ATAD3C: variants seen among roughly 807,000 people sequenced by gnomAD.
The protein encoded by ATAD3C is ATPase family AAA domain-containing protein 3C.
ATAD3C carries 38 observed loss-of-function variants against 46.3 expected under a neutral mutation model. That is an observed-to-expected ratio of 0.82 (90% CI 0.63 to 1.08). The LOEUF (loss-of-function observed/expected upper bound fraction) is 1.08. Ranked by LOEUF, ATAD3C falls within the 50% of genes least tolerant of loss-of-function variation. ATAD3C has a pLI of 0.00. For synonymous variants in ATAD3C, 220 were observed against 236.4 expected (o/e 0.93, Z 0.63); for missense variants, 563 against 572.7 (o/e 0.98, Z 0.17).
Position 1,455,804 on chromosome 1 carries a change from C to T in ATAD3C, c.452C>T (p.Ala151Val). The T allele has an allele frequency of 3.1e-6, 5 of 1,613,422 alleles. No homozygotes were observed. The highest frequency in any genetic ancestry group is 1.3e-5 in the African/African-American group (1 of 75,022). Residue 151 changes from alanine to valine, a missense_variant, in exon 6 of 12, where the codon GCA (alanine) becomes GTA (valine). Ala to Val is a moderately conservative substitution (Grantham distance 64). Around this residue, in one of 3 missense-constraint regions of ATAD3C, gnomAD observed 263 missense variants for 243.1 expected, o/e 1.08. Coordinates refer to ENST00000378785, the MANE Select transcript of ATAD3C (RefSeq NM_001039211.3). Reference protein sequence around the residue: ...EGVVLSPSLEARVRDIAIMTR... With the variant: ...EGVVLSPSLEVRVRDIAIMTR... ...CTTCCTCGGCAGCCCAGCCTGGAAG[C>T]ACGGGTGCGCGACATCGCCATAATG...
chr1:1,465,808 T>TA (rs1009243178), intron 11 of ATAD3C, among the ~76,000 whole-genome samples: 3 of 151,856 alleles, frequency 2.0e-5, no homozygotes, highest in African/African-American at 7.3e-5. Flanking sequence ...TTTTCTTGTC[T>TA]AATGGCCCTG....
chr1:1,455,529 T>C lies in ATAD3C; in HGVS notation c.438+10T>C, dbSNP rs745899806. On this transcript the variant is annotated intron_variant, in intron 5 of 11. Coordinates refer to ENST00000378785, the MANE Select transcript of ATAD3C (RefSeq NM_001039211.3). ...GGGTGTTGTGCTTAGTGTAAGTCGG[T>C]GTGCCTGGGACCGGGGAGGCGCAGG... The C allele has an allele frequency of 2.2e-5, 35 of 1,612,254 alleles. No homozygotes were observed. The African/African-American group carries it at 3.9e-4, about 18-fold the overall frequency.
chr1:1,452,444 C>T lies in ATAD3C; in HGVS notation c.222+10C>T, dbSNP rs755836496. 1.9e-5 allele frequency: 30 copies of T among 1,613,660 alleles called. No individual in the cohort carries two copies. The highest frequency in any genetic ancestry group is 6.7e-5 in the Admixed American group (4 of 59,954). On this transcript the variant is annotated intron_variant, in intron 3 of 11. Transcript: ENST00000378785. ...CAAAGTGACAGCCACGGTAAACATA[C>T]TCATAAAACAGGGCTGGCAGGTGGC...
Position 1,462,428 on chromosome 1 carries a change from C to G in ATAD3C, c.981-172C>G. ...CCACAGCCGCCCCCTTCCTGCTCAG[C>G]CCAGGCCTGGCTTGCGTCAGGAAGG... On this transcript the variant is annotated intron_variant, in intron 10 of 11. Transcript: ENST00000378785. The surrounding 1 kb of genome is among the most constrained non-coding windows in gnomAD (Gnocchi z 4.5). 1.5e-6 allele frequency: 1 copy of G among 684,054 alleles called. No individual in the cohort carries two copies. Among genetic ancestry groups the G allele is most frequent in the Non-Finnish European group, 2.5e-6 (1 of 397,810 alleles). 42.4% of individuals were successfully genotyped at this position (684,054 alleles called of 1,614,324 possible).
At chr1:1,451,151 C>G (rs1638852706) in intron 1 of ATAD3C, among the ~76,000 whole-genome samples, 2 of 151,528 alleles carry the variant, frequency 1.3e-5, no homozygotes, top group Admixed American at 1.3e-4. Flanking sequence ...CACCATTCTC[C>G]TGCCTCAGCC....
At chr1:1,452,797 CAA>C (rs150422909) in intron 3 of ATAD3C, among the ~76,000 whole-genome samples, 40,042 of 126,216 alleles carry the variant, frequency 0.32, 7,468 homozygotes, top group East Asian at 0.54. Context: ...GGCTCCTTCT[CAA>C]AAAAAAAAAA....
rs1410023782 is a variant in ATAD3C, at chr1:1,469,980, C to T, written c.*1450C>T. The T allele has an allele frequency of 6.6e-6, 1 of 151,920 alleles. No individual in the cohort carries two copies. The highest frequency in any genetic ancestry group is 1.9e-4 in the East Asian group (1 of 5,204). The allele number at this position is 151,920 out of a possible 1,614,324, so 9.4% of individuals were successfully genotyped here. On this transcript the variant is annotated 3_prime_UTR_variant, in exon 12 of 12. Coordinates refer to ENST00000378785, the MANE Select transcript of ATAD3C (RefSeq NM_001039211.3). Reference sequence around the variant, plus strand: ...CCTTAAGAAGGTTCTTTGTCATTCTCCCCACCCTTGAGAATGTACTTTGTG... The same window carrying T: ...CCTTAAGAAGGTTCTTTGTCATTCTTCCCACCCTTGAGAATGTACTTTGTG...
intron 5 of ATAD3C, 132 bp downstream of exon 5, chr1:1,455,651 T>C: frequency 6.4e-7 from 1 of 1,561,132 alleles, no homozygotes; most frequent in Non-Finnish European, 8.7e-7. Context: ...GCTTGGACCG[T>C]GCCGGGGATA....
Position 1,455,853 on chromosome 1 carries a change from G to C in ATAD3C, c.501G>C (p.Arg167=), listed in dbSNP as rs774656765. 19 of 1,613,370 alleles carry C rather than the reference G, an allele frequency of 1.2e-5. 1 individual carries two copies. In the African/African-American group the frequency reaches 1.3e-4, roughly 11 times the overall value. ...TGACAAGGAACATCAAGAAGAACCGGGGCCTGTACAGGCACATCCTGCTGT... is the reference window on the plus strand; with the variant it reads ...TGACAAGGAACATCAAGAAGAACCGCGGCCTGTACAGGCACATCCTGCTGT... ...AIMTRNIKKN[R]GLYRHILLYG... Residue 167 remains arginine (R), a synonymous_variant, in exon 6 of 12, where the codon CGG becomes CGC. Transcript: ENST00000378785.
chr1:1,452,267 G>C, intron 2 of ATAD3C, 98 bp from the exon 3 acceptor site: 1 of 1,597,394 alleles, frequency 6.3e-7, no homozygotes, highest in Non-Finnish European at 8.6e-7. Flanking sequence ...GTCCTGGCAG[G>C]ACCAGGCTGC....
At chr1:1,451,876 C>T (rs931250896) in intron 1 of ATAD3C, among the ~76,000 whole-genome samples, 170 bp from the exon 2 acceptor site, 11 of 152,026 alleles carry the variant, frequency 7.2e-5, no homozygotes, top group Admixed American at 2.0e-4. Context: ...CAGTGACTGC[C>T]GTCCCGGCCG....
At chr1:1,460,220 G>A (rs1037865162) in intron 9 of ATAD3C, among the ~76,000 whole-genome samples, 2 of 151,874 alleles carry the variant, frequency 1.3e-5, no homozygotes, top group Non-Finnish European at 1.5e-5. Flanking sequence ...TGACAGGCGT[G>A]CGCCACCACA....
At position 1,452,444 on chromosome 1, in the gene ATAD3C, C is replaced by G. The variant is rs755836496; in HGVS notation, c.222+10C>G. ...CAAAGTGACAGCCACGGTAAACATACTCATAAAACAGGGCTGGCAGGTGGC... is the reference window on the plus strand; with the variant it reads ...CAAAGTGACAGCCACGGTAAACATAGTCATAAAACAGGGCTGGCAGGTGGC... On this transcript the variant is annotated intron_variant, in intron 3 of 11. Transcript: ENST00000378785. The G allele has an allele frequency of 4.3e-6, 7 of 1,613,660 alleles. 1 individual carries two copies. In the South Asian group the frequency reaches 7.7e-5, roughly 18 times the overall value.
chr1:1,468,449 C>T lies in ATAD3C; in HGVS notation c.1155C>T (p.Asp385=), dbSNP rs988656586. ...TEAMMDACVQ[D]FVQQHQQMMR... The stretch of plus-strand genomic sequence containing the variant: ...CCATGATGGACGCCTGCGTGCAAGA[C>T]TTTGTCCAGCAGCACCAGCAGATGA... The change falls in exon 12 of 12, where the codon GAC becomes GAT. Residue 385 remains aspartate, a synonymous_variant. Coordinates refer to ENST00000378785, the MANE Select transcript of ATAD3C (RefSeq NM_001039211.3). The T allele has an allele frequency of 6.2e-7, 1 of 1,613,016 alleles. No individual in the cohort carries two copies. The highest frequency in any genetic ancestry group is 1.1e-5 in the South Asian group (1 of 90,918).
rs762541602 is a variant in ATAD3C, at chr1:1,457,163, C to CTTCGGAAGCGAGCCACTGTT, written c.741+2_741+3insTTTCGGAAGCGAGCCACTGT. The CTTCGGAAGCGAGCCACTGTT allele has an allele frequency of 3.7e-6, 6 of 1,613,458 alleles. No individual in the cohort carries two copies. Among genetic ancestry groups the CTTCGGAAGCGAGCCACTGTT allele is most frequent in the Non-Finnish European group, 2.5e-6 (3 of 1,179,672 alleles). ...CTTTGTGGATGAAGCGGACGCCTTC[C>CTTCGGAAGCGAGCCACTGTT]TTCGGAAGCGAGCCACTGTGAGTGT... On this transcript the variant is annotated frameshift_variant, in exon 8 of 12. Transcript: ENST00000378785. LOFTEE classifies it high-confidence loss of function.
At chr1:1,460,722 C>T (rs1208692722) in intron 9 of ATAD3C, 28 bp from the exon 10 acceptor site, 6 of 1,578,164 alleles carry the variant, frequency 3.8e-6, no homozygotes, top group African/African-American at 1.4e-5. Flanking sequence ...GCAGCCCCAG[C>T]GTTTCCTTCC....
chr1:1,460,406 C>G (rs1639035383), intron 9 of ATAD3C, among the ~76,000 whole-genome samples: 2 of 152,024 alleles, frequency 1.3e-5, no homozygotes, highest in Admixed American at 1.3e-4. Context: ...TTGACATGGA[C>G]TCTGGGTCCC....
intron 10 of ATAD3C, among the ~76,000 whole-genome samples, chr1:1,461,300 G>A (rs752676800): frequency 3.3e-5 from 5 of 151,954 alleles, no homozygotes; most frequent in Non-Finnish European, 5.9e-5. Context: ...CGATTCTCCT[G>A]CATCAGCCTC....
rs1349500969 is a variant in ATAD3C at position 1,455,781 on chromosome 1, TC to T, written c.439-8del. ...GACTGTGTCCTCCAAGCCCCTGTCT[TC>T]CTCGGCAGCCCAGCCTGGAAGCACG... On this transcript the variant is annotated splice_polypyrimidine_tract_variant and intron_variant, in intron 5 of 11. Coordinates refer to ENST00000378785, the MANE Select transcript of ATAD3C (RefSeq NM_001039211.3). 36 of 1,612,994 alleles carry T rather than the reference TC, an allele frequency of 2.2e-5. No homozygotes were observed. The highest frequency in any genetic ancestry group is 3.1e-5 in the Non-Finnish European group (36 of 1,179,622).
Sources: gnomAD v4.1 joint callset for allele counts (sites outside exome capture counted in the v4.1 genomes callset) on GRCh38, gnomAD v4.1.1 for gene constraint, gnomAD v4.1.1 regional missense constraint, Gnocchi (gnomAD v3.1) non-coding constraint, MANE v1.5 for transcripts, NCBI Gene and HGNC (gene_info 2026-07-23, HGNC 2026-07-21) for gene names.